Variants in CAPS2 observed in about 807,000 individuals in gnomAD.
The protein encoded by CAPS2 is calcyphosine 2, also known as calcyphosin-2.
In CAPS2, 98 loss-of-function variants were observed where a neutral mutation model predicts 86.5. The observed-to-expected ratio is 1.13, with a 90% CI of 0.96 to 1.34. CAPS2 has a LOEUF of 1.34. CAPS2 is among the 40% of genes most tolerant of loss of function. The pLI, the probability that CAPS2 is intolerant of heterozygous loss-of-function variation, is 0.00. For missense variants in CAPS2, 729 were observed against 686.8 expected (o/e 1.06, Z -0.69); for synonymous variants, 210 against 225.1 (o/e 0.93, Z 0.60).
At chr12:75,371,430 G>T in intron 1 of CAPS2, 1 of 326,288 alleles carries the variant, frequency 3.1e-6, no homozygotes, top group Admixed American at 3.4e-5. Flanking sequence ...CCAGTTCACT[G>T]CTCTCCTTTG....
chr12:75,322,871 G>A (rs905633965), intron 4 of CAPS2: 1 of 629,416 alleles, frequency 1.6e-6, no homozygotes, highest in African/African-American at 1.8e-5. Flanking sequence ...TTATGGTTTG[G>A]TATTTAAATA....
At chr12:75,380,339 G>A (rs1260779061) in intron 1 of CAPS2, among the ~76,000 whole-genome samples, 1 of 152,034 alleles carries the variant, frequency 6.6e-6, no homozygotes, top group African/African-American at 2.4e-5. Context: ...CTGTACCAGG[G>A]GAAATAAATA....
At chr12:75,318,737 G>T (rs75160924) in intron 5 of CAPS2, among the ~76,000 whole-genome samples, 193 of 152,068 alleles carry the variant, frequency 1.3e-3, no homozygotes, top group African/African-American at 4.6e-3. Flanking sequence ...ATACAAGCTG[G>T]GTTGACTGAT....
At position 75,326,445 on chromosome 12, in the gene CAPS2, T is replaced by C; in HGVS notation, c.54A>G (p.Pro18=). The change falls in exon 1 of 17, where the codon CCA becomes CCG. Residue 18 remains proline (P), a synonymous_variant. Transcript: ENST00000393284. ...GTAGAGGCTTCTTTCTTCCAAAGAA[T>C]GGCTGAATTTGGCTCCTAGAAGTGG... 3 of 1,526,102 alleles carry C rather than the reference T, an allele frequency of 2.0e-6. No homozygotes were observed. In the South Asian group the frequency reaches 3.6e-5, roughly 18 times the overall value. 94.5% of individuals were successfully genotyped at this position (1,526,102 alleles called of 1,614,324 possible).
At chr12:75,276,077 GACAAGAGC>G (rs769849033), downstream of CAPS2, 54 of 888,036 alleles carry the variant, frequency 6.1e-5, no homozygotes, top group Non-Finnish European at 8.5e-5. Context: ...CGATATGTAT[GACAAGAGC>G]CTCTTCTCAT....
At chr12:75,364,052 G>T (rs941059031) in intron 1 of CAPS2, among the ~76,000 whole-genome samples, 3 of 152,112 alleles carry the variant, frequency 2.0e-5, no homozygotes, top group African/African-American at 7.2e-5. Flanking sequence ...GGAGACCAAG[G>T]GTTTATTAAG....
At chr12:75,306,423 T>A in intron 7 of CAPS2, 1 of 357,610 alleles carries the variant, frequency 2.8e-6, no homozygotes, top group Non-Finnish European at 5.3e-6. Context: ...AGGGTGGGGG[T>A]GGGTCACTAG....
intron 1 of CAPS2, among the ~76,000 whole-genome samples, chr12:75,325,924 G>A (rs1466262092): frequency 6.6e-6 from 1 of 152,024 alleles, no homozygotes; most frequent in Non-Finnish European, 1.5e-5. Flanking sequence ...ACATGTATGT[G>A]TTTGTAAACA....
chr12:75,304,552 C>A lies in CAPS2; in HGVS notation c.779+205G>T, dbSNP rs183530899. Among the ~76,000 whole-genome samples, 664 of 152,154 alleles carry A rather than the reference C, an allele frequency of 4.4e-3. 6 individuals carry two copies. Among genetic ancestry groups the A allele is most frequent in the African/African-American group, 0.015 (634 of 41,492 alleles). Reference sequence around the variant, plus strand: ...TTCCCCTAAATTACAAATAAAAAATCTGGAGGGCAAAGAGAGTAAAATAAG... The same window carrying A: ...TTCCCCTAAATTACAAATAAAAAATATGGAGGGCAAAGAGAGTAAAATAAG... On this transcript the variant is annotated intron_variant, in intron 8 of 16. Coordinates refer to ENST00000393284, the Ensembl canonical transcript of CAPS2.
exon 6 of CAPS2, chr12:75,316,373 A>G: frequency 6.4e-7 from 1 of 1,551,136 alleles, no homozygotes; most frequent in Non-Finnish European, 8.7e-7. Context: ...ACCTTGCTGT[A>G]AGATGGCTTT....
chr12:75,327,005 G>C (rs530910367), upstream of CAPS2, among the ~76,000 whole-genome samples: 9 of 152,256 alleles, frequency 5.9e-5, no homozygotes, highest in South Asian at 1.9e-3. Flanking sequence ...AGGCAGAAGA[G>C]GCAAGGAATG....
At chr12:75,294,350 T>C (rs1483782511) in intron 11 of CAPS2, among the ~76,000 whole-genome samples, 10 of 152,202 alleles carry the variant, frequency 6.6e-5, no homozygotes, top group Admixed American at 5.9e-4. Flanking sequence ...GAATTTGTAA[T>C]TGTAATGTAA....
chr12:75,322,324 T>C (rs2040383200), intron 4 of CAPS2, among the ~76,000 whole-genome samples: 1 of 152,104 alleles, frequency 6.6e-6, no homozygotes, highest in Non-Finnish European at 1.5e-5. Flanking sequence ...GCATATTGTA[T>C]TGACCTAGGG....
chr12:75,307,688 A>C (rs1351560876), intron 7 of CAPS2, among the ~76,000 whole-genome samples: 2 of 152,222 alleles, frequency 1.3e-5, no homozygotes, highest in Non-Finnish European at 2.9e-5. Flanking sequence ...CATAAATACA[A>C]GAGAACACAA....
intron 1 of CAPS2, among the ~76,000 whole-genome samples, chr12:75,379,946 C>T (rs185331551): frequency 2.8e-4 from 43 of 151,496 alleles, no homozygotes; most frequent in African/African-American, 9.9e-4. Flanking sequence ...GAAAACATGC[C>T]CAGACTAGGA....
chr12:75,367,860 C>T (rs1487015377), intron 1 of CAPS2, among the ~76,000 whole-genome samples: 1 of 152,116 alleles, frequency 6.6e-6, no homozygotes, highest in African/African-American at 2.4e-5. Context: ...TAACAATAGA[C>T]ACACCCTTCT....
At position 75,316,338 on chromosome 12, in the gene CAPS2, G is replaced by T. The variant is rs773753695; in HGVS notation, c.565C>A (p.Gln189Lys). Reference sequence around the variant, plus strand: ...GCATCCAATTTTCTTGCCCTCTGTTGTTTATCGCAAGAGTTGTCTGCATAA... The same window carrying T: ...GCATCCAATTTTCTTGCCCTCTGTTTTTTATCGCAAGAGTTGTCTGCATAA... The change falls in exon 6 of 17, where the codon CAA becomes AAA. Residue 189 changes from glutamine to lysine, a missense_variant. Physicochemically the swap from Gln to Lys is moderately conservative, Grantham distance 53 (BLOSUM62 1). Coordinates refer to ENST00000393284, the Ensembl canonical transcript of CAPS2. 3 of 1,550,884 alleles carry T rather than the reference G, an allele frequency of 1.9e-6. No homozygotes were observed. The highest frequency in any genetic ancestry group is 1.7e-6 in the Non-Finnish European group (2 of 1,146,436).
intron 7 of CAPS2, chr12:75,305,340 G>A: frequency 3.2e-6 from 1 of 313,170 alleles, no homozygotes; most frequent in Admixed American, 4.7e-5. Context: ...TATTTGCACT[G>A]ATTCTTAAAA....
upstream of CAPS2, chr12:75,329,909 A>T: frequency 6.6e-7 from 1 of 1,522,726 alleles, no homozygotes; most frequent in Non-Finnish European, 8.9e-7. Flanking sequence ...GGCACAAGAG[A>T]CAGTCAGCCT....
Sources: allele counts gnomAD v4.1 joint callset (sites outside exome capture counted in the v4.1 genomes callset), GRCh38; gene constraint gnomAD v4.1.1; transcripts MANE v1.5; gene names NCBI Gene and HGNC (gene_info 2026-07-23, HGNC 2026-07-21).